NRF1: variants seen among roughly 807,000 people sequenced by gnomAD.
The protein encoded by NRF1 is alpha palindromic-binding protein.
NRF1 carries 5 observed loss-of-function variants against 58.5 expected under a neutral mutation model. The observed-to-expected ratio is 0.09, with a 90% CI of 0.04 to 0.18. The LOEUF (loss-of-function observed/expected upper bound fraction) is 0.18. NRF1 is among the 10% of genes least tolerant of loss of function. NRF1 has a pLI of 1.00. For synonymous variants in NRF1, 224 were observed against 246.7 expected (o/e 0.91, Z 0.86); for missense variants, 288 against 657.7 (o/e 0.44, Z 6.15).
In NRF1 at chr7:129,670,487, C is replaced by G. The variant is rs374342025; in HGVS notation, c.224-942C>G. Among the ~76,000 whole-genome samples, 26 of 152,238 alleles carry G rather than the reference C, an allele frequency of 1.7e-4. No individual in the cohort carries two copies. The South Asian group carries it at 5.0e-3, about 29-fold the overall frequency. ...GGTTTAAGTCAGGCTGATTATATTA[C>G]TAACAACATGTAGAAAAGTTCATTT... On this transcript the variant is annotated intron_variant, in intron 2 of 10. Coordinates refer to ENST00000393232, the MANE Select transcript of NRF1 (RefSeq NM_005011.5).
chr7:129,690,590 C>T (rs750103330), intron 5 of NRF1, 44 bp downstream of exon 5: 81 of 1,607,520 alleles, frequency 5.0e-5, no homozygotes, highest in Non-Finnish European at 6.0e-5. Context: ...ACAAGTGGCA[C>T]AGGTGTGGGC....
chr7:129,679,795 C>T (rs545233737), intron 4 of NRF1, among the ~76,000 whole-genome samples: 11 of 151,798 alleles, frequency 7.2e-5, no homozygotes, highest in Non-Finnish European at 1.3e-4. Flanking sequence ...CAGTGGCTCA[C>T]GCCTGTAATC....
At chr7:129,703,318 G>A (rs945920782) in intron 5 of NRF1, among the ~76,000 whole-genome samples, 1 of 152,138 alleles carries the variant, frequency 6.6e-6, no homozygotes, top group Non-Finnish European at 1.5e-5. Context: ...GAGAGGTTAG[G>A]CTTTAGCTTT....
In NRF1 at chr7:129,634,042, AGAT is replaced by A. The variant is rs1193061326; in HGVS notation, c.-7+22219_-7+22221del. On this transcript the variant is annotated intron_variant, in intron 1 of 10. Coordinates refer to ENST00000393232, the MANE Select transcript of NRF1 (RefSeq NM_005011.5). ...TACATCTGTATTTAAAAAAAAAAAA[AGAT>A]ATATATATATATATATACACACACA... is the stretch of plus-strand genomic sequence containing the variant. 2.7e-3 allele frequency among the ~76,000 whole-genome samples: 243 copies of A among 91,384 alleles called. 3 individuals carry two copies. The highest frequency in any genetic ancestry group is 5.2e-3 in the Middle Eastern group (1 of 194). The allele number at this position is 91,384 out of a possible 152,430, so 60.0% of individuals were successfully genotyped here.
At chr7:129,740,435 G>A (rs1986403) in intron 10 of NRF1, among the ~76,000 whole-genome samples, 6,509 of 152,252 alleles carry the variant, frequency 0.043, 169 homozygotes, top group Middle Eastern at 0.13. Context: ...GTCTTCATTC[G>A]CAGAGAGGTG....
At chr7:129,654,386 A>G (rs1379077795) in intron 1 of NRF1, among the ~76,000 whole-genome samples, 1 of 152,046 alleles carries the variant, frequency 6.6e-6, no homozygotes, top group African/African-American at 2.4e-5. Context: ...ATCTTTTACA[A>G]CTATTTCCTC....
intron 1 of NRF1, among the ~76,000 whole-genome samples, chr7:129,646,529 G>A (rs78925943): frequency 0.015 from 2,274 of 152,256 alleles, 48 homozygotes; most frequent in African/African-American, 0.052. Context: ...GAACCTGGAA[G>A]CTCAGAGAGG....
rs573905123 is a variant in NRF1, at chr7:129,750,893, G to A, written c.1349-4125G>A. ...ACCTTAATCACGCAGTCCCTAGAAG[G>A]GACACAAGTTAAATCTTAGTAAGCA... On this transcript the variant is annotated intron_variant, in intron 10 of 10. Transcript: ENST00000393232. 2.0e-5 allele frequency among the ~76,000 whole-genome samples: 3 copies of A among 152,298 alleles called. No individual in the cohort carries two copies. The East Asian group carries it at 5.8e-4, about 29-fold the overall frequency.
At chr7:129,714,517 C>T (rs1327909959) in intron 8 of NRF1, among the ~76,000 whole-genome samples, 1 of 152,160 alleles carries the variant, frequency 6.6e-6, no homozygotes, top group South Asian at 2.1e-4. Flanking sequence ...ATTGATAGTG[C>T]AGCTTGCCTC....
At chr7:129,640,640 A>G (rs562811477) in intron 1 of NRF1, among the ~76,000 whole-genome samples, 39 of 152,334 alleles carry the variant, frequency 2.6e-4, no homozygotes, top group African/African-American at 9.4e-4. Context: ...AAGGAGCCCA[A>G]GCAAATAATG....
chr7:129,754,531 T>C (rs932493727), intron 10 of NRF1, among the ~76,000 whole-genome samples: 1 of 120,790 alleles, frequency 8.3e-6, no homozygotes, highest in African/African-American at 3.3e-5. Context: ...AGTAGAATAA[T>C]AGTTACCAGA....
At chr7:129,665,261 G>C (rs1268932988) in intron 2 of NRF1, among the ~76,000 whole-genome samples, 1 of 152,232 alleles carries the variant, frequency 6.6e-6, no homozygotes, top group Non-Finnish European at 1.5e-5. Context: ...TGTGTGGTAA[G>C]GAATTTCGAG....
intron 2 of NRF1, among the ~76,000 whole-genome samples, chr7:129,660,112 T>C (rs1801747125): frequency 6.6e-6 from 1 of 152,122 alleles, no homozygotes; most frequent in Admixed American, 6.5e-5. Context: ...ACTCCTCCTT[T>C]TAAAACCATC....
chr7:129,695,979 T>C (rs1472127967), intron 5 of NRF1, among the ~76,000 whole-genome samples: 1 of 147,762 alleles, frequency 6.8e-6, no homozygotes, highest in East Asian at 2.0e-4. Flanking sequence ...TCCCAGCACT[T>C]TGGGAGGCCG....
At chr7:129,696,777 A>T (rs1224509960) in intron 5 of NRF1, among the ~76,000 whole-genome samples, 4 of 152,210 alleles carry the variant, frequency 2.6e-5, no homozygotes, top group African/African-American at 9.6e-5. Context: ...AAGAGAGTAA[A>T]TTATATTCAA....
At chr7:129,616,983 T>C (rs745822479) in intron 1 of NRF1, among the ~76,000 whole-genome samples, 3 of 152,204 alleles carry the variant, frequency 2.0e-5, no homozygotes, top group Non-Finnish European at 4.4e-5. Context: ...GCTACTTTTG[T>C]ATGGGTTATC....
At chr7:129,649,928 T>C (rs1801498700) in intron 1 of NRF1, among the ~76,000 whole-genome samples, 1 of 151,972 alleles carries the variant, frequency 6.6e-6, no homozygotes, top group Non-Finnish European at 1.5e-5. Context: ...TAATTTTTCA[T>C]TTTTTGTAGA....
chr7:129,727,801 G>A (rs1382612784), intron 10 of NRF1, among the ~76,000 whole-genome samples: 1 of 152,134 alleles, frequency 6.6e-6, no homozygotes. Context: ...CCTGTGCTTG[G>A]GGTCAGGCAG....
intron 3 of NRF1, among the ~76,000 whole-genome samples, chr7:129,673,006 C>T (rs953907583): frequency 1.3e-5 from 2 of 152,272 alleles, no homozygotes; most frequent in Admixed American, 6.5e-5. Flanking sequence ...GCAAAAGAAT[C>T]TAAGAAGCAA....
Sources: allele counts gnomAD v4.1 joint callset (sites outside exome capture counted in the v4.1 genomes callset), GRCh38; gene constraint gnomAD v4.1.1; transcripts MANE v1.5; gene names NCBI Gene and HGNC (gene_info 2026-07-23, HGNC 2026-07-21).